Variants in IL1RAPL1 observed in about 807,000 individuals in gnomAD.
IL1RAPL1 encodes interleukin 1 receptor accessory protein like 1, also known as interleukin-1 receptor accessory protein-like 1.
A neutral mutation model predicts 48.4 loss-of-function variants in IL1RAPL1; 3 were observed. That is an observed-to-expected ratio of 0.06 (90% CI 0.03 to 0.16). The LOEUF (loss-of-function observed/expected upper bound fraction) is 0.16, where lower values mean the gene tolerates loss of function less well. Among genes scored for constraint, IL1RAPL1 ranks in the 10% least tolerant of loss-of-function variants. The pLI is 1.00. For synonymous variants in IL1RAPL1, 185 were observed against 187.7 expected, an observed-to-expected ratio of 0.99 and a Z score of 0.12; for missense variants, 349 against 530.6, an observed-to-expected ratio of 0.66 and a Z score of 3.36.
chrX:29,118,638 T>C (rs762745907), intron 2 of IL1RAPL1, among the ~76,000 whole-genome samples: 6 of 111,667 alleles, frequency 5.4e-5, no homozygotes, highest in Non-Finnish European at 1.1e-4. Flanking sequence ...GCCAAGAATA[T>C]ATATTATAGT....
chrX:29,177,924 C>T (rs1930059724), intron 2 of IL1RAPL1, among the ~76,000 whole-genome samples: 7 of 112,053 alleles, frequency 6.2e-5, no homozygotes. Flanking sequence ...GACATGAATT[C>T]ATCCTTTTTT....
chrX:29,644,868 CTGTCGTAT>C (rs1164247563), intron 5 of IL1RAPL1, among the ~76,000 whole-genome samples: 2 of 112,765 alleles, frequency 1.8e-5, no homozygotes, highest in Non-Finnish European at 3.7e-5. Context: ...CGCCCAGCCT[CTGTCGTAT>C]GTTGTTGAAT....
chrX:29,208,289 A>G (rs1224884047), intron 2 of IL1RAPL1, among the ~76,000 whole-genome samples: 1 of 111,956 alleles, frequency 8.9e-6, no homozygotes, highest in Non-Finnish European at 1.9e-5. Flanking sequence ...GACTCAGTCA[A>G]CAAAAGCCAT....
intron 9 of IL1RAPL1, among the ~76,000 whole-genome samples, chrX:29,951,672 C>A (rs1237878703): frequency 8.9e-6 from 1 of 111,774 alleles, no homozygotes; most frequent in Non-Finnish European, 1.9e-5. Flanking sequence ...GAAGTTTTGA[C>A]ATTAAAGAAA....
intron 5 of IL1RAPL1, among the ~76,000 whole-genome samples, chrX:29,629,491 A>T (rs1007498674): frequency 1.8e-5 from 2 of 111,800 alleles, no homozygotes; most frequent in African/African-American, 6.5e-5. Context: ...AGATTTTGCA[A>T]TTTACTCTTC....
chrX:28,660,466 A>G (rs1359172911), intron 1 of IL1RAPL1, among the ~76,000 whole-genome samples: 1 of 111,431 alleles, frequency 9.0e-6, no homozygotes, highest in Non-Finnish European at 1.9e-5. Flanking sequence ...TCAGTGAAAG[A>G]CAGAAAGGGT....
intron 2 of IL1RAPL1, among the ~76,000 whole-genome samples, chrX:29,180,086 T>A: frequency 9.9e-6 from 1 of 101,486 alleles, no homozygotes; most frequent in Non-Finnish European, 2.0e-5. Context: ...CAAATCAATC[T>A]CTCTCTCTCT....
chrX:28,738,188 A>G (rs1015882160), intron 1 of IL1RAPL1, among the ~76,000 whole-genome samples: 8 of 111,424 alleles, frequency 7.2e-5, no homozygotes, highest in African/African-American at 2.6e-4. Flanking sequence ...AAAAAAAAAA[A>G]TCTTAGAACA....
intron 1 of IL1RAPL1, among the ~76,000 whole-genome samples, chrX:28,683,562 C>T (rs1042671475): frequency 9.0e-6 from 1 of 111,591 alleles, no homozygotes; most frequent in Non-Finnish European, 1.9e-5. Context: ...CAACTGTGCA[C>T]TCTCCTGTGG....
intron 5 of IL1RAPL1, among the ~76,000 whole-genome samples, chrX:29,598,273 C>A (rs964917668): frequency 1.8e-5 from 2 of 112,204 alleles, no homozygotes; most frequent in Admixed American, 9.4e-5. Context: ...ATCTTGATTT[C>A]GTTGTTAACC....
chrX:29,722,882 A>C (rs927763917), intron 6 of IL1RAPL1, among the ~76,000 whole-genome samples: 1 of 112,027 alleles, frequency 8.9e-6, no homozygotes, highest in Non-Finnish European at 1.9e-5. Flanking sequence ...TGCTTTCTCT[A>C]TTTTTCGAGG....
At chrX:29,647,211 G>A (rs768595981) in intron 5 of IL1RAPL1, among the ~76,000 whole-genome samples, 14 of 110,605 alleles carry the variant, frequency 1.3e-4, no homozygotes, top group East Asian at 5.7e-4. Flanking sequence ...GTAGCTGGGC[G>A]TGGTGGCACG....
chrX:29,420,326 A>G (rs1384008080), intron 5 of IL1RAPL1, among the ~76,000 whole-genome samples: 1 of 112,727 alleles, frequency 8.9e-6, no homozygotes, highest in Non-Finnish European at 1.9e-5. Context: ...AAAGTCACAA[A>G]TGGTCTAGAA....
chrX:28,896,757 G>A (rs1174058582), intron 2 of IL1RAPL1, among the ~76,000 whole-genome samples: 1 of 110,315 alleles, frequency 9.1e-6, no homozygotes, highest in Non-Finnish European at 1.9e-5. Context: ...TTGGGGTTGA[G>A]ACTGAGAGAA....
At chrX:28,596,624 G>A (rs1317019342) in intron 1 of IL1RAPL1, among the ~76,000 whole-genome samples, 1 of 111,458 alleles carries the variant, frequency 9.0e-6, no homozygotes, top group Non-Finnish European at 1.9e-5. Flanking sequence ...ACAGATGCTC[G>A]AGTCCCTAAT....
At chrX:29,708,114 T>C (rs985154420) in intron 6 of IL1RAPL1, among the ~76,000 whole-genome samples, 3 of 111,127 alleles carry the variant, frequency 2.7e-5, no homozygotes, top group African/African-American at 9.8e-5. Flanking sequence ...ATACTTTTTA[T>C]TGATTTTAAG....
At chrX:29,407,668 G>C (rs926370221) in intron 5 of IL1RAPL1, among the ~76,000 whole-genome samples, 9 of 111,580 alleles carry the variant, frequency 8.1e-5, no homozygotes. Flanking sequence ...CCTAGGAAAG[G>C]ATTTGCTCAT....
At chrX:29,668,572 T>C (rs764305449) in intron 6 of IL1RAPL1, 68 bp downstream of exon 6, 5 of 790,364 alleles carry the variant, frequency 6.3e-6, no homozygotes, top group Middle Eastern at 2.8e-4. Context: ...TAAGCCTAGA[T>C]TGTAACCCGA....
At chrX:29,409,820 CTT>C (rs34018303) in intron 5 of IL1RAPL1, among the ~76,000 whole-genome samples, 6 of 79,339 alleles carry the variant, frequency 7.6e-5, no homozygotes, top group South Asian at 1.3e-3. Flanking sequence ...GTTCTAAATT[CTT>C]TTTTTTTTTT....
Sources: allele counts gnomAD v4.1 joint callset (sites outside exome capture counted in the v4.1 genomes callset), GRCh38; gene constraint gnomAD v4.1.1; transcripts MANE v1.5; gene names NCBI Gene and HGNC (gene_info 2026-07-23, HGNC 2026-07-21).